The following NUMB variants were observed in gnomAD, a reference collection of about 807,000 sequenced individuals.
The protein encoded by NUMB is protein numb homolog.
Under a neutral mutation model 59.7 loss-of-function variants are expected in NUMB, and 29 were observed. The ratio of observed to expected loss-of-function variants is 0.49; its 90% confidence interval spans 0.36 to 0.66. The LOEUF (loss-of-function observed/expected upper bound fraction) is 0.66, where lower values mean the gene tolerates loss of function less well. NUMB is among the 30% of genes least tolerant of loss of function. The pLI is 0.00. For missense variants in NUMB, 723 were observed against 822.0 expected (o/e 0.88, Z 1.47); for synonymous variants, 288 against 288.2 (o/e 1.00, Z 0.01).
chr14:73,407,585 G>C (rs1416671807), intron 2 of NUMB, among the ~76,000 whole-genome samples: 5 of 152,156 alleles, frequency 3.3e-5, no homozygotes, highest in African/African-American at 1.2e-4. Flanking sequence ...CACACTAGGT[G>C]GTTCAGTTAT....
intron 2 of NUMB, among the ~76,000 whole-genome samples, chr14:73,386,160 G>T (rs1895514065): frequency 6.6e-6 from 1 of 151,984 alleles, no homozygotes; most frequent in Admixed American, 6.6e-5. Flanking sequence ...ATCACTTGAG[G>T]CCAGGAGTTT....
intron 4 of NUMB, among the ~76,000 whole-genome samples, chr14:73,336,631 T>C (rs1295601906): frequency 6.8e-6 from 1 of 146,102 alleles, no homozygotes; most frequent in East Asian, 1.9e-4. Flanking sequence ...AAGTATGGCC[T>C]AGGAATGGAA....
chr14:73,447,884 A>C (rs1883647747), intron 1 of NUMB, among the ~76,000 whole-genome samples: 1 of 149,616 alleles, frequency 6.7e-6, no homozygotes, highest in Non-Finnish European at 1.5e-5. Context: ...CCTACCCCCA[A>C]CCCTCGGGTT....
intron 6 of NUMB, 120 bp downstream of exon 6, chr14:73,316,270 A>G: frequency 1.2e-6 from 1 of 809,504 alleles, no homozygotes; most frequent in Non-Finnish European, 2.1e-6. Context: ...TCCATATACA[A>G]TCAAACCAAT....
chr14:73,278,622 G>A (rs894471020), intron 12 of NUMB, among the ~76,000 whole-genome samples: 2 of 64,916 alleles, frequency 3.1e-5, no homozygotes, highest in Non-Finnish European at 6.0e-5. Context: ...AGCACTTTTT[G>A]TAGGCCTCCT....
At chr14:73,367,803 T>A (rs1594955322) in intron 2 of NUMB, among the ~76,000 whole-genome samples, 1 of 147,878 alleles carries the variant, frequency 6.8e-6, no homozygotes, top group African/African-American at 2.5e-5. Context: ...GATGGATTCG[T>A]GTGGTACTGA....
intron 2 of NUMB, among the ~76,000 whole-genome samples, chr14:73,407,831 T>G (rs558017347): frequency 1.3e-5 from 2 of 152,324 alleles, no homozygotes; most frequent in East Asian, 3.9e-4. Flanking sequence ...CATCCAGAAT[T>G]TGAGAATTAC....
intron 3 of NUMB, among the ~76,000 whole-genome samples, chr14:73,366,475 C>T (rs915300091): frequency 6.6e-6 from 1 of 152,150 alleles, no homozygotes; most frequent in African/African-American, 2.4e-5. Flanking sequence ...TGAATGCTTA[C>T]TGTGTGCCAG....
In NUMB at chr14:73,377,994, TACACAC is replaced by T. The variant is rs61489875; in HGVS notation, c.-100-11019_-100-11014del. 7.7e-3 allele frequency among the ~76,000 whole-genome samples: 1,122 copies of T among 146,602 alleles called. 6 individuals carry two copies. Among genetic ancestry groups the T allele is most frequent in the South Asian group, 0.031 (142 of 4,592 alleles). Reference sequence around the variant, plus strand: ...ATACATATAGATATATATATACACATACACACACACACACACACACACACATACACA... The same window carrying T: ...ATACATATAGATATATATATACACATACACACACACACACACACATACACA... On this transcript the variant is annotated intron_variant, in intron 2 of 12. Transcript: ENST00000555238.
At chr14:73,317,450 C>T (rs12589077) in intron 5 of NUMB, among the ~76,000 whole-genome samples, 37,630 of 151,892 alleles carry the variant, frequency 0.25, 5,510 homozygotes, top group East Asian at 0.68. Context: ...TACAGGTGTG[C>T]GCCACCACAT....
chr14:73,342,537 A>T (rs958448050), intron 4 of NUMB, among the ~76,000 whole-genome samples: 1 of 152,250 alleles, frequency 6.6e-6, no homozygotes. Flanking sequence ...GGTGTGGTCA[A>T]TGCCTATCAG....
At chr14:73,366,464 C>G (rs1378807913) in intron 3 of NUMB, among the ~76,000 whole-genome samples, 1 of 152,172 alleles carries the variant, frequency 6.6e-6, no homozygotes, top group African/African-American at 2.4e-5. Context: ...CTGCCATTCA[C>G]TGAATGCTTA....
chr14:73,368,785 T>G (rs957870592), intron 2 of NUMB, among the ~76,000 whole-genome samples: 24 of 152,102 alleles, frequency 1.6e-4, no homozygotes, highest in African/African-American at 5.1e-4. Context: ...CAGCAAATGG[T>G]TTAAGAGAGG....
At chr14:73,407,636 G>A (rs10483854) in intron 2 of NUMB, among the ~76,000 whole-genome samples, 9,246 of 152,208 alleles carry the variant, frequency 0.061, 719 homozygotes, top group African/African-American at 0.17. Flanking sequence ...TAGGGAAATA[G>A]TGCTGAACCG....
At chr14:73,359,183 T>C (rs1430515064) in intron 3 of NUMB, among the ~76,000 whole-genome samples, 4 of 152,214 alleles carry the variant, frequency 2.6e-5, no homozygotes, top group Non-Finnish European at 5.9e-5. Flanking sequence ...AATTATGATA[T>C]CTTGCTTACT....
At chr14:73,372,727 G>C (rs1324635442) in intron 2 of NUMB, among the ~76,000 whole-genome samples, 1 of 151,714 alleles carries the variant, frequency 6.6e-6, no homozygotes, top group Admixed American at 6.6e-5. Flanking sequence ...CACTACAAAA[G>C]AAAAGCCTAG....
intron 1 of NUMB, among the ~76,000 whole-genome samples, chr14:73,433,465 T>A (rs2140172876): frequency 6.6e-6 from 1 of 152,192 alleles, no homozygotes; most frequent in East Asian, 1.9e-4. Context: ...GTAGGCCCAA[T>A]TATTAGGTCC....
intron 4 of NUMB, among the ~76,000 whole-genome samples, chr14:73,355,015 A>G (rs1893705843): frequency 6.6e-6 from 1 of 152,072 alleles, no homozygotes; most frequent in South Asian, 2.1e-4. Flanking sequence ...TAAATAGTAA[A>G]TAACATACAT....
At chr14:73,401,614 G>C (rs988202096) in intron 2 of NUMB, among the ~76,000 whole-genome samples, 6 of 139,910 alleles carry the variant, frequency 4.3e-5, no homozygotes, top group African/African-American at 1.7e-4. Context: ...CTGTCGCCCA[G>C]GCTGGAGTGC....
Sources: gnomAD v4.1 joint callset for allele counts (sites outside exome capture counted in the v4.1 genomes callset) on GRCh38, gnomAD v4.1.1 for gene constraint, MANE v1.5 for transcripts, NCBI Gene and HGNC (gene_info 2026-07-23, HGNC 2026-07-21) for gene names.